Variants in PLA2R1 observed in about 807,000 individuals in gnomAD.
PLA2R1 encodes secretory phospholipase A2 receptor.
In PLA2R1, 158 loss-of-function variants were observed where a neutral mutation model predicts 195.9. That is an observed-to-expected ratio of 0.81 (90% CI 0.71 to 0.92). PLA2R1 has a LOEUF of 0.92. Among genes scored for constraint, PLA2R1 ranks in the 40% least tolerant of loss-of-function variants. The pLI is 0.00. For synonymous variants in PLA2R1, 586 were observed against 598.2 expected, an observed-to-expected ratio of 0.98 and a Z score of 0.30; for missense variants, 1,626 against 1,764.6, an observed-to-expected ratio of 0.92 and a Z score of 1.41.
chr2:160,011,914 T>C (rs1276168534), intron 10 of PLA2R1, among the ~76,000 whole-genome samples: 5 of 152,034 alleles, frequency 3.3e-5, no homozygotes, highest in African/African-American at 1.2e-4. Context: ...CCAGGTGACT[T>C]AGTCTGCCAA....
chr2:159,965,381 T>C (rs1211139760), intron 20 of PLA2R1, among the ~76,000 whole-genome samples: 2 of 152,206 alleles, frequency 1.3e-5, no homozygotes, highest in Non-Finnish European at 1.5e-5. Context: ...GAATGTCATA[T>C]AGTTGGAATC....
rs1329924173 is a variant in PLA2R1, at chr2:160,028,960, T to C, written c.845A>G (p.His282Arg). 1 of 1,522,800 alleles carries C rather than the reference T, an allele frequency of 6.6e-7. No individual in the cohort carries two copies. The highest frequency in any genetic ancestry group is 9.1e-7 in the Non-Finnish European group (1 of 1,094,392). 94.3% of individuals were successfully genotyped at this position (1,522,800 alleles called of 1,614,324 possible). The change falls in exon 5 of 30, where the codon CAC becomes CGC. Residue 282 changes from histidine to arginine, a missense_variant. His to Arg is a conservative substitution (Grantham distance 29). Coordinates refer to ENST00000283243, the MANE Select transcript of PLA2R1 (RefSeq NM_007366.5). ...DETEENFIRE[H>R]MSSKTVEVWM... Reference sequence around the variant, plus strand: ...CACCTCCACTGTTTTACTGCTCATGTGCTCTGAAATGAAAATTATGGAGCT... The same window carrying C: ...CACCTCCACTGTTTTACTGCTCATGCGCTCTGAAATGAAAATTATGGAGCT...
intron 23 of PLA2R1, 71 bp downstream of exon 23, chr2:159,955,128 G>A: frequency 8.4e-7 from 1 of 1,193,056 alleles, no homozygotes. Context: ...CTACACAGCT[G>A]TGTAAAACCA....
chr2:160,047,350 A>G (rs1327237934), intron 1 of PLA2R1, among the ~76,000 whole-genome samples: 1 of 152,218 alleles, frequency 6.6e-6, no homozygotes, highest in Admixed American at 6.5e-5. Context: ...GGGAGCTATC[A>G]TTATTACTTT....
At chr2:159,996,713 T>C (rs1335035079) in intron 11 of PLA2R1, among the ~76,000 whole-genome samples, 2 of 152,118 alleles carry the variant, frequency 1.3e-5, no homozygotes, top group African/African-American at 4.8e-5. Flanking sequence ...GAATATTCTG[T>C]TCTGTTTCAG....
chr2:159,959,985 G>C (rs1448550988), intron 20 of PLA2R1, among the ~76,000 whole-genome samples: 1 of 152,062 alleles, frequency 6.6e-6, no homozygotes, highest in Non-Finnish European at 1.5e-5. Flanking sequence ...ACTACATCTA[G>C]AGTAACTTTT....
intron 20 of PLA2R1, among the ~76,000 whole-genome samples, chr2:159,964,331 T>G (rs573797888): frequency 1.3e-5 from 2 of 152,334 alleles, no homozygotes; most frequent in South Asian, 4.1e-4. Flanking sequence ...ACATTGTGCA[T>G]GTAATTAATG....
intron 1 of PLA2R1, among the ~76,000 whole-genome samples, chr2:160,055,477 C>G (rs755045496): frequency 7.2e-5 from 11 of 152,198 alleles, no homozygotes; most frequent in Non-Finnish European, 1.3e-4. Flanking sequence ...GAAAATATCA[C>G]TCCCACATGT....
At chr2:159,985,961 AT>A (rs1396627398) in intron 12 of PLA2R1, among the ~76,000 whole-genome samples, 1 of 152,082 alleles carries the variant, frequency 6.6e-6, no homozygotes, top group African/African-American at 2.4e-5. Context: ...TTGCTCAGTG[AT>A]TCAGGTGGCA....
chr2:160,054,265 T>C (rs1475917182), intron 1 of PLA2R1, among the ~76,000 whole-genome samples: 1 of 152,144 alleles, frequency 6.6e-6, no homozygotes, highest in Non-Finnish European at 1.5e-5. Flanking sequence ...GCAAGACCCC[T>C]TCTTTACAAA....
At chr2:159,959,650 A>T (rs1224586181) in intron 20 of PLA2R1, among the ~76,000 whole-genome samples, 7 of 152,184 alleles carry the variant, frequency 4.6e-5, no homozygotes, top group African/African-American at 9.7e-5. Context: ...ATATTTGGAA[A>T]TGAAATTCAG....
intron 24 of PLA2R1, 62 bp from the exon 25 acceptor site, chr2:159,949,838 TATCTGAGC>T (rs1687629049): frequency 7.5e-7 from 1 of 1,328,330 alleles, no homozygotes; most frequent in Non-Finnish European, 1.1e-6. Flanking sequence ...CACCCAGTGT[TATCTGAGC>T]ATGCTACAAT....
chr2:159,990,995 G>A (rs1690743409), intron 11 of PLA2R1, among the ~76,000 whole-genome samples: 1 of 152,190 alleles, frequency 6.6e-6, no homozygotes, highest in Non-Finnish European at 1.5e-5. Flanking sequence ...AGGGCACAGA[G>A]GCTTAGTAAC....
At chr2:159,991,062 T>C (rs1690750950) in intron 11 of PLA2R1, among the ~76,000 whole-genome samples, 1 of 152,200 alleles carries the variant, frequency 6.6e-6, no homozygotes, top group African/African-American at 2.4e-5. Flanking sequence ...CAGATGTATT[T>C]GGGTCTGTGA....
intron 4 of PLA2R1, among the ~76,000 whole-genome samples, chr2:160,030,573 C>T (rs1372233990): frequency 6.6e-6 from 1 of 152,120 alleles, no homozygotes; most frequent in East Asian, 1.9e-4. Context: ...AATAATTGTG[C>T]AATTTATAAC....
chr2:159,967,743 T>C (rs1247688310), intron 19 of PLA2R1, 65 bp from the exon 20 acceptor site: 4 of 1,362,328 alleles, frequency 2.9e-6, no homozygotes, highest in African/African-American at 2.9e-5. Context: ...GCATTCTCTA[T>C]TGATCACTAT....
chr2:160,038,952 C>T (rs1273606111), intron 3 of PLA2R1, among the ~76,000 whole-genome samples: 1 of 152,058 alleles, frequency 6.6e-6, no homozygotes, highest in African/African-American at 2.4e-5. Context: ...CTGCAACCTC[C>T]ATCTCCTGGG....
chr2:159,972,406 A>C (rs1047842872), intron 17 of PLA2R1, among the ~76,000 whole-genome samples: 2 of 152,210 alleles, frequency 1.3e-5, no homozygotes, highest in African/African-American at 4.8e-5. Flanking sequence ...ATGAACATGC[A>C]TTTTATAACA....
At chr2:160,041,324 T>C (rs1056248390) in intron 3 of PLA2R1, among the ~76,000 whole-genome samples, 1 of 152,192 alleles carries the variant, frequency 6.6e-6, no homozygotes, top group African/African-American at 2.4e-5. Context: ...AGGAGGCATA[T>C]ATAAACATTC....
Sources: allele counts gnomAD v4.1 joint callset (sites outside exome capture counted in the v4.1 genomes callset), GRCh38; gene constraint gnomAD v4.1.1; transcripts MANE v1.5; gene names NCBI Gene and HGNC (gene_info 2026-07-23, HGNC 2026-07-21).